The following SHISAL2B variants were observed in gnomAD, a reference collection of about 807,000 sequenced individuals.
SHISAL2B encodes shisa like 2B.
A neutral mutation model predicts 16.5 loss-of-function variants in SHISAL2B; 12 were observed. That is an observed-to-expected ratio of 0.73 (90% CI 0.47 to 1.18). The LOEUF (loss-of-function observed/expected upper bound fraction) is 1.18, where lower values mean the gene tolerates loss of function less well. Ranked by LOEUF, SHISAL2B falls within the 50% of genes most tolerant of loss-of-function variation. The pLI, the probability that SHISAL2B is intolerant of heterozygous loss-of-function variation, is 0.00. For missense variants in SHISAL2B, 183 were observed against 193.6 expected (o/e 0.95, Z 0.33); for synonymous variants, 72 against 75.0 (o/e 0.96, Z 0.21).
intron 1 of SHISAL2B, among the ~76,000 whole-genome samples, chr5:64,692,435 ATCACT>A (rs923963760): frequency 5.3e-5 from 8 of 152,184 alleles, no homozygotes; most frequent in Non-Finnish European, 8.8e-5. Flanking sequence ...AAATAGAAAA[ATCACT>A]TCAACTGATG....
intron 1 of SHISAL2B, chr5:64,691,400 T>C (rs192674067): frequency 1.3e-5 from 2 of 152,954 alleles, no homozygotes; most frequent in East Asian, 3.8e-4. Context: ...TGTGTGTGTG[T>C]GTTCCTGAGG....
chr5:64,708,618 G>A (rs907863961), intron 2 of SHISAL2B, among the ~76,000 whole-genome samples: 3 of 151,936 alleles, frequency 2.0e-5, no homozygotes, highest in Non-Finnish European at 2.9e-5. Context: ...CATAAACCTT[G>A]TATATTATTT....
intron 2 of SHISAL2B, among the ~76,000 whole-genome samples, chr5:64,698,126 T>C (rs1015406933): frequency 6.6e-6 from 1 of 152,228 alleles, no homozygotes; most frequent in African/African-American, 2.4e-5. Flanking sequence ...TTTATCTCAA[T>C]TGCTTAGGTA....
chr5:64,690,905 C>T, intron 1 of SHISAL2B, 91 bp downstream of exon 1: 2 of 1,135,898 alleles, frequency 1.8e-6, no homozygotes, highest in South Asian at 3.5e-5. Context: ...GGAGGTTCCC[C>T]CGCGTCCCCG....
At chr5:64,695,440 C>G in intron 1 of SHISAL2B, 67 bp from the exon 2 acceptor site, 3 of 1,053,894 alleles carry the variant, frequency 2.8e-6, no homozygotes, top group Non-Finnish European at 3.9e-6. Context: ...TATATTTATG[C>G]CTTCTCTTTA....
chr5:64,704,271 G>A (rs6875306), intron 2 of SHISAL2B, among the ~76,000 whole-genome samples: 4,989 of 152,274 alleles, frequency 0.033, 270 homozygotes, highest in African/African-American at 0.11. Flanking sequence ...CAAGAGCAGC[G>A]TTCACAGAAG....
chr5:64,710,389 G>T (rs1168531493), intron 2 of SHISAL2B, among the ~76,000 whole-genome samples: 1 of 85,570 alleles, frequency 1.2e-5, no homozygotes, highest in East Asian at 3.7e-4. Flanking sequence ...CTGTTCCATT[G>T]ATCTATATCT....
In SHISAL2B at chr5:64,714,861, C is replaced by T. The variant is rs1029187643; in HGVS notation, c.350-3028C>T. Reference sequence around the variant, plus strand: ...AGAAAGGGAACTCTCTGACCCCTTGCGCTTCCCAGGTGAGGCAATGCCTCG... The same window carrying T: ...AGAAAGGGAACTCTCTGACCCCTTGTGCTTCCCAGGTGAGGCAATGCCTCG... On this transcript the variant is annotated intron_variant, in intron 2 of 2. Transcript: ENST00000389074. Among the ~76,000 whole-genome samples the T allele has an allele frequency of 4.6e-5, 7 of 152,204 alleles. No individual in the cohort carries two copies. The East Asian group carries it at 7.7e-4, about 17-fold the overall frequency.
At chr5:64,716,867 G>T (rs1363456370) in intron 2 of SHISAL2B, among the ~76,000 whole-genome samples, 2 of 152,172 alleles carry the variant, frequency 1.3e-5, no homozygotes, top group African/African-American at 2.4e-5. Flanking sequence ...CAGAGGGCAT[G>T]ATTCAACTTA....
chr5:64,694,235 A>G (rs909208985), intron 1 of SHISAL2B: 38 of 369,028 alleles, frequency 1.0e-4, no homozygotes, highest in African/African-American at 7.9e-4. Flanking sequence ...ATTTATTTAC[A>G]TTTATTGAAC....
chr5:64,701,082 T>C (rs1741804123), intron 2 of SHISAL2B, among the ~76,000 whole-genome samples: 1 of 152,180 alleles, frequency 6.6e-6, no homozygotes. Context: ...AAATCATCTC[T>C]AGGTTAATAT....
At chr5:64,703,334 G>A (rs1741835025) in intron 2 of SHISAL2B, among the ~76,000 whole-genome samples, 1 of 152,116 alleles carries the variant, frequency 6.6e-6, no homozygotes, top group Non-Finnish European at 1.5e-5. Flanking sequence ...GAACTCAATG[G>A]CATAAAAGGC....
At chr5:64,691,326 G>A (rs1741647473) in intron 1 of SHISAL2B, 1 of 153,100 alleles carries the variant, frequency 6.5e-6, no homozygotes. Flanking sequence ...TCTTTGAGGG[G>A]TGTGAAGGAA....
In SHISAL2B at chr5:64,695,580, T is replaced by C; in HGVS notation, c.265T>C (p.Cys89Arg). Residue 89 changes from cysteine (C) to arginine (R), a missense_variant, in exon 2 of 3, where the codon TGC (cysteine) becomes CGC (arginine). Cys to Arg is a radical substitution (Grantham distance 180, BLOSUM62 -3). Transcript: ENST00000389074. ...LAFVISVCVLCYLFLYTKPQR... is the reference protein window; with the variant it reads ...LAFVISVCVLRYLFLYTKPQR... Reference sequence around the variant, plus strand: ...CTTTGTCATCAGTGTCTGTGTCCTTTGCTATTTATTTCTGTATACGAAACC... The same window carrying C: ...CTTTGTCATCAGTGTCTGTGTCCTTCGCTATTTATTTCTGTATACGAAACC... 6.5e-7 allele frequency: 1 copy of C among 1,536,944 alleles called. No individual in the cohort carries two copies. The highest frequency in any genetic ancestry group is 8.7e-7 in the Non-Finnish European group (1 of 1,146,662).
intron 2 of SHISAL2B, among the ~76,000 whole-genome samples, chr5:64,714,252 T>G (rs1742002492): frequency 7.3e-6 from 1 of 137,434 alleles, no homozygotes; most frequent in Non-Finnish European, 1.5e-5. Flanking sequence ...TAGTTTTCCT[T>G]CTAACAGACA....
At position 64,695,621 on chromosome 5, in the gene SHISAL2B, T is replaced by C; in HGVS notation, c.306T>C (p.Thr102=). The C allele has an allele frequency of 6.5e-7, 1 of 1,536,502 alleles. No homozygotes were observed. Among genetic ancestry groups the C allele is most frequent in the Non-Finnish European group, 8.7e-7 (1 of 1,146,510 alleles). The part of the protein sequence containing the change: ...FLYTKPQRLD[T]GLKLQHLEAS... ...ATACGAAACCTCAAAGATTAGACAC[T>C]GGCCTTAAGCTTCAACACTTAGAGG... Residue 102 remains threonine (T), a synonymous_variant, in exon 2 of 3, where the codon ACT becomes ACC. Coordinates refer to ENST00000389074, the MANE Select transcript of SHISAL2B (RefSeq NM_001164442.2).
chr5:64,707,141 T>G (rs898160304), intron 2 of SHISAL2B, among the ~76,000 whole-genome samples: 9 of 152,166 alleles, frequency 5.9e-5, no homozygotes, highest in African/African-American at 2.2e-4. Flanking sequence ...TTTAGTCTTA[T>G]GCTTGGCCTG....
intron 2 of SHISAL2B, among the ~76,000 whole-genome samples, chr5:64,703,675 G>A (rs1741840972): frequency 6.6e-6 from 1 of 152,114 alleles, no homozygotes; most frequent in African/African-American, 2.4e-5. Context: ...TCAATGGTTG[G>A]AAGAATTTAA....
intron 2 of SHISAL2B, among the ~76,000 whole-genome samples, chr5:64,698,772 C>T (rs1741770984): frequency 6.6e-6 from 1 of 152,170 alleles, no homozygotes; most frequent in Non-Finnish European, 1.5e-5. Context: ...CTTGTTTGCT[C>T]TCTACTGTAT....
Sources: allele counts gnomAD v4.1 joint callset (sites outside exome capture counted in the v4.1 genomes callset), GRCh38; gene constraint gnomAD v4.1.1; transcripts MANE v1.5; gene names NCBI Gene and HGNC (gene_info 2026-07-23, HGNC 2026-07-21).